The following GASK1A variants were observed in gnomAD, a reference collection of about 807,000 sequenced individuals.
The protein encoded by GASK1A is golgi associated kinase 1A.
Under a neutral mutation model 41.2 loss-of-function variants are expected in GASK1A, and 40 were observed. That is an observed-to-expected ratio of 0.97 (90% CI 0.75 to 1.27). The LOEUF (loss-of-function observed/expected upper bound fraction) is 1.27, where lower values mean the gene tolerates loss of function less well. GASK1A is among the 50% of genes most tolerant of loss of function. The probability of loss-of-function intolerance (pLI) is 0.00; values close to 1 mark genes in which losing one functional copy is unlikely to be tolerated. For synonymous variants in GASK1A, 316 were observed against 307.1 expected, an observed-to-expected ratio of 1.03 and a Z score of -0.30; for missense variants, 678 against 745.1, an observed-to-expected ratio of 0.91 and a Z score of 1.05.
chr3:43,052,719 C>T (rs979079229), intron 2 of GASK1A, among the ~76,000 whole-genome samples: 1 of 152,168 alleles, frequency 6.6e-6, no homozygotes, highest in Admixed American at 6.5e-5. Context: ...CCTAACCATC[C>T]TCAGAGGACT....
chr3:42,999,645 G>C (rs1442412723), intron 1 of GASK1A, among the ~76,000 whole-genome samples: 1 of 152,246 alleles, frequency 6.6e-6, no homozygotes, highest in Non-Finnish European at 1.5e-5. Flanking sequence ...GCAGCAGCCA[G>C]TATAGGGGTT....
At chr3:43,028,896 T>C (rs11711635) in intron 1 of GASK1A, among the ~76,000 whole-genome samples, 27,832 of 151,822 alleles carry the variant, frequency 0.18, 2,738 homozygotes, top group South Asian at 0.35. Context: ...CCCCTTCTGC[T>C]TGCTGGTCAC....
At chr3:43,009,040 T>G (rs1163581940) in intron 1 of GASK1A, among the ~76,000 whole-genome samples, 1 of 152,186 alleles carries the variant, frequency 6.6e-6, no homozygotes. Flanking sequence ...CAAGGCTCTG[T>G]TCTCAGCACT....
chr3:43,025,215 AG>A (rs1318383061), intron 1 of GASK1A, among the ~76,000 whole-genome samples: 7 of 152,176 alleles, frequency 4.6e-5, no homozygotes, highest in African/African-American at 1.4e-4. Flanking sequence ...GGTAAAGAAG[AG>A]GGTGCCTGGG....
At chr3:43,024,473 G>T (rs1467742491) in intron 1 of GASK1A, among the ~76,000 whole-genome samples, 1 of 152,120 alleles carries the variant, frequency 6.6e-6, no homozygotes, top group Non-Finnish European at 1.5e-5. Context: ...AATTATTTTT[G>T]TGTCTCTGTG....
At chr3:43,020,674 A>G (rs9840349) in intron 1 of GASK1A, among the ~76,000 whole-genome samples, 25,964 of 152,202 alleles carry the variant, frequency 0.17, 2,372 homozygotes, top group Non-Finnish European at 0.2. Flanking sequence ...TATTTTGGTA[A>G]TAGGAGTTGG....
At chr3:43,041,575 GCT>G (rs2089638493) in intron 2 of GASK1A, among the ~76,000 whole-genome samples, 1 of 152,188 alleles carries the variant, frequency 6.6e-6, no homozygotes, top group African/African-American at 2.4e-5. Context: ...CTGGCTGGTA[GCT>G]CTTTGTCCAT....
intron 1 of GASK1A, among the ~76,000 whole-genome samples, chr3:43,013,683 T>C (rs987883980): frequency 6.7e-6 from 1 of 150,286 alleles, no homozygotes. Context: ...AGGAAGGTGC[T>C]GTGTGAAGTC....
At chr3:43,008,614 G>A (rs2089448015) in intron 1 of GASK1A, among the ~76,000 whole-genome samples, 1 of 152,232 alleles carries the variant, frequency 6.6e-6, no homozygotes, top group African/African-American at 2.4e-5. Context: ...TCTTCTAAGA[G>A]GTATTTTGTG....
intron 2 of GASK1A, among the ~76,000 whole-genome samples, chr3:43,036,268 C>T (rs1210772098): frequency 6.6e-6 from 1 of 152,144 alleles, no homozygotes; most frequent in Admixed American, 6.5e-5. Context: ...AAGTCAAGCA[C>T]CCCCCGTCTG....
intron 4 of GASK1A, 88 bp from the exon 5 acceptor site, chr3:43,056,087 TG>T: frequency 9.5e-7 from 1 of 1,058,044 alleles, no homozygotes; most frequent in Non-Finnish European, 1.4e-6. Flanking sequence ...ATGCAAGCTC[TG>T]GCCATCTGGC....
chr3:42,990,289 G>A (rs1019714451), intron 1 of GASK1A, among the ~76,000 whole-genome samples: 2 of 151,374 alleles, frequency 1.3e-5, no homozygotes, highest in Admixed American at 6.6e-5. Context: ...GGTCGAGGGT[G>A]CAGTGAGCTA....
intron 2 of GASK1A, among the ~76,000 whole-genome samples, chr3:43,045,129 G>A (rs1168132438): frequency 1.3e-5 from 2 of 152,212 alleles, no homozygotes; most frequent in Non-Finnish European, 2.9e-5. Context: ...TATAGAATAT[G>A]CTCTGCTGCT....
chr3:43,040,584 A>G (rs2089631215), intron 2 of GASK1A, among the ~76,000 whole-genome samples: 1 of 152,136 alleles, frequency 6.6e-6, no homozygotes, highest in Non-Finnish European at 1.5e-5. Context: ...AGCCGAGAAC[A>G]GGTTATGCCT....
intron 2 of GASK1A, among the ~76,000 whole-genome samples, chr3:43,036,427 T>A (rs1243719991): frequency 1.3e-5 from 2 of 152,172 alleles, no homozygotes; most frequent in African/African-American, 4.8e-5. Context: ...GCTCCTTTGG[T>A]TTTACCCTGT....
At chr3:43,049,379 T>C (rs2089677826) in intron 2 of GASK1A, among the ~76,000 whole-genome samples, 1 of 152,222 alleles carries the variant, frequency 6.6e-6, no homozygotes, top group African/African-American at 2.4e-5. Context: ...ATATTCACCA[T>C]AAAATTATTT....
At chr3:43,044,488 A>G (rs1022502955) in intron 2 of GASK1A, among the ~76,000 whole-genome samples, 2 of 152,116 alleles carry the variant, frequency 1.3e-5, no homozygotes, top group Non-Finnish European at 2.9e-5. Flanking sequence ...CCTGCTTTAC[A>G]TCCTGTGTGG....
At chr3:43,043,317 C>A (rs1302852034) in intron 2 of GASK1A, among the ~76,000 whole-genome samples, 1 of 152,182 alleles carries the variant, frequency 6.6e-6, no homozygotes, top group African/African-American at 2.4e-5. Flanking sequence ...GAGTCTTGGC[C>A]CAAGAGCCTT....
At chr3:42,988,653 C>A (rs903015979) in intron 1 of GASK1A, among the ~76,000 whole-genome samples, 1 of 152,232 alleles carries the variant, frequency 6.6e-6, no homozygotes, top group African/African-American at 2.4e-5. Flanking sequence ...AGCTTGTGAG[C>A]ATGCCATGCA....
Sources: gnomAD v4.1 joint callset for allele counts (sites outside exome capture counted in the v4.1 genomes callset) on GRCh38, gnomAD v4.1.1 for gene constraint, MANE v1.5 for transcripts, NCBI Gene and HGNC (gene_info 2026-07-23, HGNC 2026-07-21) for gene names.